The following SHROOM2 variants were observed in gnomAD, a reference collection of about 807,000 sequenced individuals.
The protein encoded by SHROOM2 is protein Shroom2.
SHROOM2 carries 33 observed loss-of-function variants against 75.9 expected under a neutral mutation model. The observed-to-expected ratio is 0.43, with a 90% CI of 0.33 to 0.58. The LOEUF is 0.58. SHROOM2 is among the 20% of genes least tolerant of loss of function. SHROOM2 has a pLI of 0.04. For missense variants in SHROOM2, 1,434 were observed against 1,461.2 expected (o/e 0.98, Z 0.30); for synonymous variants, 655 against 663.6 (o/e 0.99, Z 0.20).
chrX:9,874,165 A>G (rs1015985827), intron 2 of SHROOM2, among the ~76,000 whole-genome samples: 4 of 111,803 alleles, frequency 3.6e-5, no homozygotes, highest in African/African-American at 1.3e-4. Flanking sequence ...TTCTGTTTTC[A>G]TGCTAGAAAG....
chrX:9,888,140 C>G (rs888685637), intron 2 of SHROOM2, among the ~76,000 whole-genome samples: 8 of 113,180 alleles, frequency 7.1e-5, no homozygotes, highest in Non-Finnish European at 1.1e-4. Flanking sequence ...GCGACTCACT[C>G]TCTCCCTTCC....
At chrX:9,797,128 C>T (rs773002520) in intron 1 of SHROOM2, among the ~76,000 whole-genome samples, 1 of 112,423 alleles carries the variant, frequency 8.9e-6, no homozygotes, top group South Asian at 3.7e-4. Context: ...TCCTTGTTGC[C>T]TCCTCCTCTC....
chrX:9,888,228 C>G (rs1242381369), intron 2 of SHROOM2, among the ~76,000 whole-genome samples: 1 of 112,451 alleles, frequency 8.9e-6, no homozygotes, highest in Non-Finnish European at 1.9e-5. Flanking sequence ...GTTCTGGCTG[C>G]TGGCTGGGTT....
chrX:9,855,295 T>TAAAAAAAAAAAAAAA (rs57235424), intron 1 of SHROOM2, among the ~76,000 whole-genome samples: 1 of 39,299 alleles, frequency 2.5e-5, no homozygotes, highest in Non-Finnish European at 4.5e-5. Flanking sequence ...TAAAGTATAG[T>TAAAAAAAAAAAAAAA]AAAAAAAAAA....
At position 9,836,055 on chromosome X, in the gene SHROOM2, A is replaced by G. The variant is rs958074461; in HGVS notation, c.166-37597A>G. Among the ~76,000 whole-genome samples the G allele has an allele frequency of 1.4e-4, 16 of 111,866 alleles. No individual in the cohort carries two copies. In the Admixed American group the frequency reaches 1.5e-3, roughly 11 times the overall value. ...ACCTTTCCTGAGCCACGTACAGCCC[A>G]CCTGAAGGCATCTGCACACCTGGAG... On this transcript the variant is annotated intron_variant, in intron 1 of 9. Coordinates refer to ENST00000380913, the MANE Select transcript of SHROOM2 (RefSeq NM_001649.4).
Position 9,947,860 on chromosome X carries a change from C to T in SHROOM2, c.*923C>T, listed in dbSNP as rs2084835820. 8.9e-6 allele frequency: 1 copy of T among 112,336 alleles called. No homozygotes were observed. Among genetic ancestry groups the T allele is most frequent in the Admixed American group, 9.5e-5 (1 of 10,571 alleles). 9.3% of individuals were successfully genotyped at this position (112,336 alleles called of 1,213,427 possible). ...TTCCTCCTTAAATCGTTTAGCATGG[C>T]ATGAGGGCCACATTCCATGGACGGG... is the stretch of plus-strand genomic sequence containing the variant. On this transcript the variant is annotated 3_prime_UTR_variant, in exon 10 of 10. Coordinates refer to ENST00000380913, the MANE Select transcript of SHROOM2 (RefSeq NM_001649.4).
chrX:9,872,259 G>A (rs948309298), intron 1 of SHROOM2, among the ~76,000 whole-genome samples: 2 of 112,684 alleles, frequency 1.8e-5, no homozygotes, highest in Non-Finnish European at 3.8e-5. Flanking sequence ...GGAAAATCTA[G>A]GTTAATAAAA....
intron 1 of SHROOM2, among the ~76,000 whole-genome samples, chrX:9,871,458 G>A (rs767520397): frequency 3.0e-4 from 33 of 111,342 alleles, no homozygotes; most frequent in Non-Finnish European, 4.5e-4. Flanking sequence ...GGGGCATGTC[G>A]AAACCCAGTC....
intron 1 of SHROOM2, among the ~76,000 whole-genome samples, chrX:9,868,870 G>A (rs1381105902): frequency 9.3e-6 from 1 of 107,320 alleles, no homozygotes; most frequent in Non-Finnish European, 1.9e-5. Context: ...ATGAGCCACT[G>A]CTCTCAGCCC....
At chrX:9,807,367 G>A (rs2083759996) in intron 1 of SHROOM2, among the ~76,000 whole-genome samples, 1 of 112,179 alleles carries the variant, frequency 8.9e-6, no homozygotes, top group Non-Finnish European at 1.9e-5. Flanking sequence ...ATGTCAGAGT[G>A]TCCCCAGGAG....
At chrX:9,846,326 G>A (rs906004264) in intron 1 of SHROOM2, among the ~76,000 whole-genome samples, 1 of 110,306 alleles carries the variant, frequency 9.1e-6, no homozygotes, top group East Asian at 2.8e-4. Context: ...ACGGAGTCTC[G>A]CTCTGTCACC....
chrX:9,808,600 G>A (rs368412866), intron 1 of SHROOM2, among the ~76,000 whole-genome samples: 9 of 110,088 alleles, frequency 8.2e-5, no homozygotes, highest in Middle Eastern at 4.7e-3. Context: ...AGTGGTTCAC[G>A]CCTGTAATCC....
chrX:9,789,540 C>T (rs1426281730), intron 1 of SHROOM2, among the ~76,000 whole-genome samples: 3 of 111,287 alleles, frequency 2.7e-5, no homozygotes, highest in Admixed American at 1.9e-4. Flanking sequence ...ATATGTGATC[C>T]TGGTGGGTTT....
At chrX:9,914,617 G>C (rs2084470098) in intron 5 of SHROOM2, among the ~76,000 whole-genome samples, 2 of 111,139 alleles carry the variant, frequency 1.8e-5, no homozygotes, top group African/African-American at 3.3e-5. Flanking sequence ...AGGTCCTAGA[G>C]TTATTTACTT....
At chrX:9,870,393 G>A (rs1296661048) in intron 1 of SHROOM2, among the ~76,000 whole-genome samples, 2 of 111,989 alleles carry the variant, frequency 1.8e-5, no homozygotes, top group Non-Finnish European at 3.8e-5. Context: ...CTTCCCCTTA[G>A]TAATTGTCTA....
chrX:9,791,985 A>C (rs376164048), intron 1 of SHROOM2, among the ~76,000 whole-genome samples: 2 of 203 alleles, frequency 9.9e-3, no homozygotes, highest in African/African-American at 0.17. Flanking sequence ...AGAATAGAAT[A>C]GAATAGAATA....
chrX:9,815,735 C>A (rs932577969), intron 1 of SHROOM2, among the ~76,000 whole-genome samples: 4 of 110,137 alleles, frequency 3.6e-5, no homozygotes, highest in Non-Finnish European at 7.6e-5. Context: ...TGTTCGAGGG[C>A]AGAAGCATCC....
intron 5 of SHROOM2, among the ~76,000 whole-genome samples, chrX:9,919,579 C>T (rs1055033820): frequency 7.3e-5 from 8 of 109,789 alleles, no homozygotes; most frequent in African/African-American, 2.7e-4. Context: ...ATCTGCCCCC[C>T]TCAGCCTCCC....
At chrX:9,792,023 ATAG>A (rs1236171992) in intron 1 of SHROOM2, among the ~76,000 whole-genome samples, 1,038 of 3,342 alleles carry the variant, frequency 0.31, 93 homozygotes, top group Non-Finnish European at 0.33. Context: ...ATAGAATAGA[ATAG>A]AATAGAATAG....
Sources: allele counts gnomAD v4.1 joint callset (sites outside exome capture counted in the v4.1 genomes callset), GRCh38; gene constraint gnomAD v4.1.1; transcripts MANE v1.5; gene names NCBI Gene and HGNC (gene_info 2026-07-23, HGNC 2026-07-21).